Variants in LYRM4 observed in about 807,000 individuals in gnomAD.
LYRM4 encodes the protein LYR motif containing 4.
A neutral mutation model predicts 11.7 loss-of-function variants in LYRM4; 9 were observed. The ratio of observed to expected loss-of-function variants is 0.77; its 90% CI spans 0.46 to 1.34. LYRM4 has a LOEUF of 1.34. Ranked by LOEUF, LYRM4 falls within the 40% of genes most tolerant of loss-of-function variation. LYRM4 has a pLI of 0.00. For synonymous variants in LYRM4, 42 were observed against 40.4 expected, an observed-to-expected ratio of 1.04 and a Z score of -0.15; for missense variants, 133 against 112.5, an observed-to-expected ratio of 1.18 and a Z score of -0.82.
At chr6:5,220,782 T>G (rs1401932412) in intron 1 of LYRM4, among the ~76,000 whole-genome samples, 1 of 152,220 alleles carries the variant, frequency 6.6e-6, no homozygotes, top group East Asian at 1.9e-4. Context: ...AGTCTTCATA[T>G]TCAAGTCTTA....
At chr6:5,085,179 G>A in the LYRM4 span, 2 of 408,248 alleles carry the variant, frequency 4.9e-6, no homozygotes, top group East Asian at 4.4e-5. Flanking sequence ...ACGGCTTCCA[G>A]GTGTCCCAGC....
At chr6:5,050,708 T>C in the LYRM4 span, among the ~76,000 whole-genome samples, 1 of 152,204 alleles carries the variant, frequency 6.6e-6, no homozygotes, top group African/African-American at 2.4e-5. Context: ...GGCTGAACTT[T>C]GGCAGACAGA....
chr6:5,088,775 CT>C, the LYRM4 span: 1 of 152,178 alleles, frequency 6.6e-6, no homozygotes, highest in Non-Finnish European at 1.5e-5. Flanking sequence ...TTATATGACT[CT>C]CAGTAATCTT....
At chr6:5,046,397 C>T in the LYRM4 span, among the ~76,000 whole-genome samples, 2 of 152,254 alleles carry the variant, frequency 1.3e-5, no homozygotes, top group South Asian at 2.1e-4. Context: ...CCACCCGCCT[C>T]GGCCTCCCAA....
chr6:5,136,373 G>T, intron 2 of LYRM4: 3 of 985,404 alleles, frequency 3.0e-6, no homozygotes, highest in Non-Finnish European at 3.6e-6. Context: ...CTGGGTTGAG[G>T]GTGGAGAAGC....
At chr6:5,174,435 T>C (rs796496768) in intron 2 of LYRM4, among the ~76,000 whole-genome samples, 9 of 152,164 alleles carry the variant, frequency 5.9e-5, no homozygotes, top group African/African-American at 2.2e-4. Context: ...GAAGTGGTAA[T>C]GAGGAGAGAC....
the LYRM4 span, among the ~76,000 whole-genome samples, chr6:5,057,454 C>T: frequency 6.6e-6 from 1 of 152,102 alleles, no homozygotes; most frequent in African/African-American, 2.4e-5. Flanking sequence ...TGGTGGCCCA[C>T]GCCTGTAATC....
At chr6:5,095,854 C>T in the LYRM4 span, among the ~76,000 whole-genome samples, 1 of 152,148 alleles carries the variant, frequency 6.6e-6, no homozygotes, top group East Asian at 1.9e-4. Flanking sequence ...GTGGCTCACC[C>T]CTGCCGTCCC....
downstream of LYRM4, chr6:5,106,687 C>A: frequency 6.6e-6 from 1 of 152,260 alleles, no homozygotes. Context: ...GCCAGCCCAG[C>A]CCAGAGCTGT....
intron 2 of LYRM4, among the ~76,000 whole-genome samples, chr6:5,149,029 A>C (rs1049481368): frequency 6.6e-6 from 1 of 152,180 alleles, no homozygotes; most frequent in Non-Finnish European, 1.5e-5. Context: ...ATTAATTATT[A>C]TATTTTTAGG....
intron 2 of LYRM4, among the ~76,000 whole-genome samples, chr6:5,128,651 C>T (rs9328288): frequency 0.011 from 1,693 of 152,330 alleles, 31 homozygotes; most frequent in African/African-American, 0.038. Flanking sequence ...TTTCCCTCCT[C>T]ATAACTATTT....
chr6:5,118,094 A>ATATATATTTTTTTT, intron 2 of LYRM4, among the ~76,000 whole-genome samples: 70 of 86,120 alleles, frequency 8.1e-4, no homozygotes, highest in African/African-American at 2.3e-3. Context: ...ATATATATAT[A>ATATATATTTTTTTT]TTTTTGTTTT....
intron 2 of LYRM4, among the ~76,000 whole-genome samples, chr6:5,204,120 G>C (rs1450335705): frequency 6.6e-6 from 1 of 152,138 alleles, no homozygotes; most frequent in African/African-American, 2.4e-5. Context: ...ATAAAGCTTG[G>C]GAGTGATAGC....
At chr6:5,060,777 G>C in the LYRM4 span, among the ~76,000 whole-genome samples, 46 of 152,066 alleles carry the variant, frequency 3.0e-4, no homozygotes, top group African/African-American at 1.0e-3. Flanking sequence ...ATCCACCTGC[G>C]TCAGCCTCCC....
chr6:5,235,142 T>C (rs951572982), intron 1 of LYRM4, among the ~76,000 whole-genome samples: 5 of 151,870 alleles, frequency 3.3e-5, no homozygotes, highest in African/African-American at 1.2e-4. Context: ...AAAACCACTG[T>C]TGAATTGTAA....
chr6:5,063,804 C>T, the LYRM4 span, among the ~76,000 whole-genome samples: 1 of 152,224 alleles, frequency 6.6e-6, no homozygotes, highest in Admixed American at 6.5e-5. Context: ...CAGGCTGCCC[C>T]GGTTCCCCAG....
chr6:5,065,999 C>G, the LYRM4 span: 1 of 336,022 alleles, frequency 3.0e-6, no homozygotes, highest in African/African-American at 2.1e-5. Context: ...CTGCACCTCC[C>G]AAAACAGTGC....
At chr6:5,065,088 T>C in the LYRM4 span, among the ~76,000 whole-genome samples, 3 of 152,214 alleles carry the variant, frequency 2.0e-5, no homozygotes, top group African/African-American at 4.8e-5. Context: ...AGTTTTGCCT[T>C]ATCCAGAATG....
intron 1 of LYRM4, among the ~76,000 whole-genome samples, chr6:5,251,977 A>G (rs1764450675): frequency 6.6e-6 from 1 of 152,178 alleles, no homozygotes; most frequent in South Asian, 2.1e-4. Flanking sequence ...AGATTCCTAA[A>G]CACGAATCAT....
Sources: gnomAD v4.1 joint callset for allele counts (sites outside exome capture counted in the v4.1 genomes callset) on GRCh38, gnomAD v4.1.1 for gene constraint, MANE v1.5 for transcripts, NCBI Gene and HGNC (gene_info 2026-07-23, HGNC 2026-07-21) for gene names.